HS6ST3: variants seen among roughly 807,000 people sequenced by gnomAD.
HS6ST3 encodes the protein heparan sulfate 6-O-sulfotransferase 3, also known as heparan-sulfate 6-O-sulfotransferase 3.
HS6ST3 carries 12 observed loss-of-function variants against 36.7 expected under a neutral mutation model. The observed-to-expected ratio is 0.33, with a 90% confidence interval of 0.21 to 0.53. The LOEUF is 0.53. Among genes scored for constraint, HS6ST3 ranks in the 20% least tolerant of loss-of-function variants. The pLI, the probability that HS6ST3 is intolerant of heterozygous loss-of-function variation, is 0.95. For synonymous variants in HS6ST3, 240 were observed against 257.5 expected (o/e 0.93, Z 0.65); for missense variants, 584 against 640.9 (o/e 0.91, Z 0.96).
At position 96,755,032 on chromosome 13, in the gene HS6ST3, G is replaced by A. The variant is rs567133244; in HGVS notation, c.708-77458G>A. ...TAAATTACACTAATGTTAGGACTGT[G>A]AGATGCACAGATCTTAAGTATATAA... On this transcript the variant is annotated intron_variant, in intron 1 of 1. Transcript: ENST00000376705. Among the ~76,000 whole-genome samples the A allele has an allele frequency of 5.3e-5, 8 of 151,964 alleles. No homozygotes were observed. In the East Asian group the frequency reaches 1.6e-3, roughly 29 times the overall value.
At chr13:96,777,233 G>T (rs535986896) in intron 1 of HS6ST3, among the ~76,000 whole-genome samples, 4 of 152,256 alleles carry the variant, frequency 2.6e-5, no homozygotes, top group South Asian at 2.1e-4. Flanking sequence ...ATAGCCAATA[G>T]CATACTGAAG....
intron 1 of HS6ST3, among the ~76,000 whole-genome samples, chr13:96,104,246 G>T (rs1038601192): frequency 2.0e-5 from 3 of 152,128 alleles, no homozygotes; most frequent in Non-Finnish European, 4.4e-5. Context: ...AGAATCTAAA[G>T]TTTGCATTGC....
At chr13:96,733,163 A>G (rs977695719) in intron 1 of HS6ST3, among the ~76,000 whole-genome samples, 3 of 152,172 alleles carry the variant, frequency 2.0e-5, no homozygotes, top group Non-Finnish European at 2.9e-5. Context: ...AACTTCCAGT[A>G]CTATGTTGGA....
rs766489670 is a variant in HS6ST3 at position 96,152,316 on chromosome 13, C to CTTTTT, written c.707+60762_707+60766dup. ...AGTATATTTCCAACTGGCCCCTTTCCTTTTTTTTTTTTTTTTTTTGTTGTT... is the reference window on the plus strand; with the variant it reads ...AGTATATTTCCAACTGGCCCCTTTCCTTTTTTTTTTTTTTTTTTTTTTTTGTTGTT... On this transcript the variant is annotated intron_variant, in intron 1 of 1. Coordinates refer to ENST00000376705, the MANE Select transcript of HS6ST3 (RefSeq NM_153456.4). Among the ~76,000 whole-genome samples the CTTTTT allele has an allele frequency of 2.3e-3, 219 of 97,030 alleles. 3 individuals are homozygous for CTTTTT. The highest frequency in any genetic ancestry group is 8.0e-3 in the African/African-American group (205 of 25,616). The allele number at this position is 97,030 out of a possible 152,430, so 63.7% of individuals were successfully genotyped here. A position where few individuals can be genotyped will look rare whatever the true frequency, so the allele number is the denominator to read the frequency against.
At chr13:96,170,397 A>C (rs1167287288) in intron 1 of HS6ST3, among the ~76,000 whole-genome samples, 1 of 152,248 alleles carries the variant, frequency 6.6e-6, no homozygotes, top group Non-Finnish European at 1.5e-5. Context: ...AAAACTTTAA[A>C]TAGAGAATAG....
chr13:96,563,883 C>T (rs907085717), intron 1 of HS6ST3, among the ~76,000 whole-genome samples: 2 of 152,180 alleles, frequency 1.3e-5, no homozygotes, highest in African/African-American at 4.8e-5. Flanking sequence ...GCCTGAGGCT[C>T]ATGCCATATG....
At chr13:96,604,265 A>G (rs1048129939) in intron 1 of HS6ST3, among the ~76,000 whole-genome samples, 1 of 152,204 alleles carries the variant, frequency 6.6e-6, no homozygotes, top group African/African-American at 2.4e-5. Context: ...ACACTGTAGA[A>G]TAATCCATCA....
intron 1 of HS6ST3, among the ~76,000 whole-genome samples, chr13:96,752,136 A>T (rs1250201393): frequency 1.3e-5 from 2 of 151,894 alleles, no homozygotes; most frequent in Non-Finnish European, 2.9e-5. Context: ...CTTTTTTTTC[A>T]AGTTTATATA....
intron 1 of HS6ST3, among the ~76,000 whole-genome samples, chr13:96,224,610 C>T (rs181922460): frequency 1.5e-3 from 221 of 152,270 alleles, no homozygotes; most frequent in Non-Finnish European, 2.2e-3. Flanking sequence ...CCATCACAGC[C>T]GATCTGTATG....
At chr13:96,758,326 G>A (rs1876884102) in intron 1 of HS6ST3, among the ~76,000 whole-genome samples, 1 of 151,740 alleles carries the variant, frequency 6.6e-6, no homozygotes, top group Non-Finnish European at 1.5e-5. Context: ...GATTGATGCT[G>A]CTAGAGGTTT....
intron 1 of HS6ST3, among the ~76,000 whole-genome samples, chr13:96,416,701 T>A (rs562600956): frequency 1.3e-4 from 20 of 151,168 alleles, no homozygotes; most frequent in African/African-American, 4.6e-4. Flanking sequence ...CAATTTCCAC[T>A]GTCCCTTCAA....
chr13:96,349,996 T>TCAG (rs150745869), intron 1 of HS6ST3, among the ~76,000 whole-genome samples: 6,765 of 152,236 alleles, frequency 0.044, 207 homozygotes, highest in Middle Eastern at 0.095. Flanking sequence ...GGAACAATCT[T>TCAG]CAGAAGCTAT....
At chr13:96,705,245 T>G (rs1245462361) in intron 1 of HS6ST3, among the ~76,000 whole-genome samples, 3 of 152,198 alleles carry the variant, frequency 2.0e-5, no homozygotes, top group Admixed American at 1.3e-4. Context: ...CATCATAGTT[T>G]CACTACCTAA....
At chr13:96,581,243 G>C (rs1325063068) in intron 1 of HS6ST3, among the ~76,000 whole-genome samples, 1 of 144,718 alleles carries the variant, frequency 6.9e-6, no homozygotes, top group Admixed American at 6.9e-5. Flanking sequence ...TTTTTGAGAC[G>C]GAGTCTCACT....
rs1874680377 is a variant in HS6ST3 at position 96,683,750 on chromosome 13, A to G, written c.708-148740A>G. ...TAAAAACATTAGTAATGATAATAAC[A>G]AAACTAAACAAATCCTTAGTCACAT... On this transcript the variant is annotated intron_variant, in intron 1 of 1. Coordinates refer to ENST00000376705, the MANE Select transcript of HS6ST3 (RefSeq NM_153456.4). Among the ~76,000 whole-genome samples the G allele has an allele frequency of 1.2e-4, 18 of 152,236 alleles. No individual in the cohort carries two copies. The South Asian group carries it at 3.7e-3, about 32-fold the overall frequency.
intron 1 of HS6ST3, among the ~76,000 whole-genome samples, chr13:96,807,198 T>C (rs571636568): frequency 6.6e-6 from 1 of 152,338 alleles, no homozygotes; most frequent in African/African-American, 2.4e-5. Context: ...GTTGCTGTTG[T>C]GACAATTACA....
intron 1 of HS6ST3, among the ~76,000 whole-genome samples, chr13:96,301,336 C>T (rs1194413795): frequency 2.0e-5 from 3 of 152,130 alleles, no homozygotes; most frequent in Non-Finnish European, 4.4e-5. Flanking sequence ...TTGATTATCT[C>T]GCACTTAAAG....
chr13:96,159,324 A>T (rs1333075191), intron 1 of HS6ST3, among the ~76,000 whole-genome samples: 2 of 152,150 alleles, frequency 1.3e-5, no homozygotes. Flanking sequence ...TAAAAATAGC[A>T]TTCATTTTAT....
chr13:96,258,130 G>C (rs886472582), intron 1 of HS6ST3, among the ~76,000 whole-genome samples: 38 of 151,902 alleles, frequency 2.5e-4, no homozygotes, highest in African/African-American at 9.2e-4. Context: ...TTCTGAAGTG[G>C]TAGTTCTTTA....
Sources: gnomAD v4.1 joint callset for allele counts (sites outside exome capture counted in the v4.1 genomes callset) on GRCh38, gnomAD v4.1.1 for gene constraint, MANE v1.5 for transcripts, NCBI Gene and HGNC (gene_info 2026-07-23, HGNC 2026-07-21) for gene names.